ZFP30: variants seen among roughly 807,000 people sequenced by gnomAD.
The protein encoded by ZFP30 is ZFP30 zinc finger protein, also known as zinc finger protein 30 homolog.
In ZFP30, 16 loss-of-function variants were observed where a neutral mutation model predicts 12.3. The observed-to-expected ratio is 1.30, with a 90% CI of 0.88 to 1.98. The LOEUF is 1.98. Ranked by LOEUF, ZFP30 falls within the 30% of genes most tolerant of loss-of-function variation. The probability of loss-of-function intolerance (pLI) is 0.00; values close to 1 mark genes in which losing one functional copy is unlikely to be tolerated. For synonymous variants in ZFP30, 172 were observed against 201.0 expected (o/e 0.86, Z 1.22); for missense variants, 560 against 611.2 (o/e 0.92, Z 0.88).
At chr19:37,636,426 T>C in intron 5 of ZFP30, 121 bp from the exon 6 acceptor site, 1 of 1,052,338 alleles carries the variant, frequency 9.5e-7, no homozygotes, top group South Asian at 2.1e-5. Flanking sequence ...CCAATTGAAG[T>C]AAATGGGCTC....
rs775374307 is a variant in ZFP30, at chr19:37,635,564, T to C, written c.977A>G (p.Tyr326Cys). 5.0e-6 allele frequency: 8 copies of C among 1,614,186 alleles called. No individual in the cohort carries two copies. Among genetic ancestry groups the C allele is most frequent in the Non-Finnish European group, 5.1e-6 (6 of 1,180,046 alleles). Residue 326 changes from tyrosine (Y) to cysteine (C), a missense_variant, in exon 6 of 6, where the codon TAT (tyrosine) becomes TGT (cysteine). Transcript: ENST00000684514. The stretch of plus-strand genomic sequence containing the variant: ...GGCCTTTCCACACTCCTTACATTCA[T>C]AGGGTTTTTCTCCAGTATGAAGTTT... ...HHKLHTGEKP[Y>C]ECKECGKAFR...
intron 2 of ZFP30, among the ~76,000 whole-genome samples, chr19:37,652,883 C>G (rs949259008): frequency 6.6e-6 from 1 of 151,616 alleles, no homozygotes; most frequent in Non-Finnish European, 1.5e-5. Context: ...TTTGGGAGGC[C>G]GAGGCAGGTG....
chr19:37,645,099 G>A (rs962345232), intron 3 of ZFP30, among the ~76,000 whole-genome samples: 9 of 152,064 alleles, frequency 5.9e-5, no homozygotes, highest in African/African-American at 2.2e-4. Flanking sequence ...CAGCTACTCG[G>A]GAGGTTGAGG....
chr19:37,637,891 A>G (rs1029897758), intron 5 of ZFP30, among the ~76,000 whole-genome samples: 3 of 152,192 alleles, frequency 2.0e-5, no homozygotes, highest in African/African-American at 7.2e-5. Flanking sequence ...CAAGGGCAGA[A>G]ACAATTTTTC....
chr19:37,655,951 A>C (rs2044749763), upstream of ZFP30: 1 of 152,350 alleles, frequency 6.6e-6, no homozygotes, highest in Non-Finnish European at 1.5e-5. Flanking sequence ...AGGAGGGTGG[A>C]GGTTGGCTAC....
chr19:37,652,751 C>A (rs2044676664), intron 2 of ZFP30, among the ~76,000 whole-genome samples: 1 of 152,048 alleles, frequency 6.6e-6, no homozygotes, highest in Non-Finnish European at 1.5e-5. Context: ...TTAATTCTGT[C>A]ATCAGAAATA....
chr19:37,633,348 G>A lies in ZFP30; in HGVS notation c.*1633C>T, dbSNP rs1456412559. ...TGGCAACATCCACAAGTTTTAATAT[G>A]TAGAAATTTTCTTTTTTTCTTTGAG... On this transcript the variant is annotated 3_prime_UTR_variant, in exon 6 of 6. Transcript: ENST00000684514. 6.6e-6 allele frequency: 1 copy of A among 152,066 alleles called. No homozygotes were observed. The allele number at this position is 152,066 out of a possible 1,614,324, so 9.4% of individuals were successfully genotyped here.
chr19:37,648,537 G>C (rs2044586733), intron 2 of ZFP30, among the ~76,000 whole-genome samples: 1 of 152,044 alleles, frequency 6.6e-6, no homozygotes, highest in East Asian at 1.9e-4. Context: ...AAGTTTGGTA[G>C]TCAAACTTTA....
intron 5 of ZFP30, among the ~76,000 whole-genome samples, 200 bp downstream of exon 5, chr19:37,643,065 A>AG (rs1459443964): frequency 1.3e-5 from 2 of 151,208 alleles, no homozygotes; most frequent in Non-Finnish European, 2.9e-5. Flanking sequence ...AAAAAAAAAA[A>AG]AAAAAAGAAA....
rs951396776 is a variant in ZFP30 at position 37,643,052 on chromosome 19, C to CAA, written c.235+211_235+212dup. Among the ~76,000 whole-genome samples, 110 of 60,988 alleles carry CAA rather than the reference C, an allele frequency of 1.8e-3. 1 individual carries two copies. The highest frequency in any genetic ancestry group is 8.9e-3 in the South Asian group (15 of 1,690). 40.0% of individuals were successfully genotyped at this position (60,988 alleles called of 152,430 possible). A position where few individuals can be genotyped will look rare whatever the true frequency, so the allele number is the denominator to read the frequency against. ...TGGGCGACAGAGCGAGACTCCGTCT[C>CAA]AAAAAAAAAAAAAAAAAAAGAAAAA... On this transcript the variant is annotated intron_variant, in intron 5 of 5. Transcript: ENST00000684514.
chr19:37,646,988 CATG>C (rs2044555147), intron 3 of ZFP30, among the ~76,000 whole-genome samples: 1 of 152,158 alleles, frequency 6.6e-6, no homozygotes, highest in East Asian at 1.9e-4. Flanking sequence ...AAATAAACTA[CATG>C]TGTTTCTTTT....
intron 2 of ZFP30, among the ~76,000 whole-genome samples, chr19:37,650,643 A>G (rs899524150): frequency 1.3e-5 from 2 of 152,104 alleles, no homozygotes; most frequent in African/African-American, 4.8e-5. Context: ...TTACTACTAT[A>G]AGAGGCATAG....
chr19:37,644,842 G>A (rs544320438), intron 3 of ZFP30, 106 bp from the exon 4 acceptor site: 34 of 1,172,806 alleles, frequency 2.9e-5, no homozygotes, highest in Non-Finnish European at 3.9e-5. Flanking sequence ...TCTAGCTTTG[G>A]GAGCCTGAAG....
intron 5 of ZFP30, among the ~76,000 whole-genome samples, chr19:37,639,701 T>C (rs1279906417): frequency 2.0e-5 from 3 of 151,866 alleles, no homozygotes; most frequent in Admixed American, 2.0e-4. Context: ...GAAAAGTAAA[T>C]ATAAGCATAA....
chr19:37,649,431 A>T (rs1188121976), intron 2 of ZFP30, among the ~76,000 whole-genome samples: 1 of 152,178 alleles, frequency 6.6e-6, no homozygotes, highest in Non-Finnish European at 1.5e-5. Flanking sequence ...TGTACAAAGA[A>T]TGAAATAATA....
rs1190273462 is a variant in ZFP30, at chr19:37,632,388, T to C, written c.*2593A>G. The C allele has an allele frequency of 6.6e-6, 1 of 152,098 alleles. No homozygotes were observed. The highest frequency in any genetic ancestry group is 1.9e-4 in the East Asian group (1 of 5,190). 9.4% of individuals were successfully genotyped at this position (152,098 alleles called of 1,614,324 possible). ...AAATCCATAGCTGTCACTTTTATCA[T>C]TCATATAGCTGTAGCTGTGTAATCT... On this transcript the variant is annotated 3_prime_UTR_variant, in exon 6 of 6. Coordinates refer to ENST00000684514, the MANE Select transcript of ZFP30 (RefSeq NM_001320669.3).
At chr19:37,643,200 T>C in intron 5 of ZFP30, 65 bp downstream of exon 5, 5 of 1,302,722 alleles carry the variant, frequency 3.8e-6, no homozygotes, top group Non-Finnish European at 4.3e-6. Flanking sequence ...AAGGGGTGTG[T>C]CTCCTCCTCA....
At chr19:37,652,705 T>C (rs932089186) in intron 2 of ZFP30, among the ~76,000 whole-genome samples, 1 of 152,238 alleles carries the variant, frequency 6.6e-6, no homozygotes, top group African/African-American at 2.4e-5. Context: ...ATTTTCTTTA[T>C]AGGTTCCGTA....
intron 4 of ZFP30, 78 bp downstream of exon 4, chr19:37,644,532 T>G: frequency 7.3e-7 from 1 of 1,368,334 alleles, no homozygotes; most frequent in Non-Finnish European, 9.5e-7. Context: ...GACTTCGTCT[T>G]TGGAAAAAAA....
Sources: allele counts gnomAD v4.1 joint callset (sites outside exome capture counted in the v4.1 genomes callset), GRCh38; gene constraint gnomAD v4.1.1; transcripts MANE v1.5; gene names NCBI Gene and HGNC (gene_info 2026-07-23, HGNC 2026-07-21).